The following GUCY1B1 variants were observed in gnomAD, a reference collection of about 807,000 sequenced individuals.
The protein encoded by GUCY1B1 is guanylate cyclase soluble subunit beta-1.
A neutral mutation model predicts 71.0 loss-of-function variants in GUCY1B1; 43 were observed. The ratio of observed to expected loss-of-function variants is 0.61; its 90% CI spans 0.47 to 0.78. GUCY1B1 has a LOEUF of 0.78. GUCY1B1 is among the 30% of genes least tolerant of loss of function. GUCY1B1 has a pLI of 0.00. For missense variants in GUCY1B1, 535 were observed against 754.1 expected, an observed-to-expected ratio of 0.71 and a Z score of 3.40; for synonymous variants, 266 against 259.7, an observed-to-expected ratio of 1.02 and a Z score of -0.23.
chr4:155,794,910 A>C (rs140129785), intron 6 of GUCY1B1, among the ~76,000 whole-genome samples: 6 of 152,318 alleles, frequency 3.9e-5, no homozygotes, highest in African/African-American at 1.4e-4. Flanking sequence ...GCAATCAATC[A>C]GTGTTACCTA....
chr4:155,779,685 G>A (rs113004499), intron 4 of GUCY1B1, among the ~76,000 whole-genome samples: 1,614 of 152,226 alleles, frequency 0.011, 26 homozygotes, highest in African/African-American at 0.037. Flanking sequence ...CTAAAAAGTA[G>A]ATATTTATGT....
intron 2 of GUCY1B1, among the ~76,000 whole-genome samples, chr4:155,760,266 T>C (rs1736902651): frequency 6.6e-6 from 1 of 152,192 alleles, no homozygotes; most frequent in South Asian, 2.1e-4. Context: ...AGACTTTGGC[T>C]CCTTTATGAT....
At chr4:155,759,507 C>G (rs1736805346) in intron 1 of GUCY1B1, 3 of 508,130 alleles carry the variant, frequency 5.9e-6, no homozygotes, top group African/African-American at 2.0e-5. Flanking sequence ...CCCCGCGCTG[C>G]CCCCGATGCC....
At chr4:155,765,847 C>T (rs1333443700) in intron 2 of GUCY1B1, among the ~76,000 whole-genome samples, 1 of 152,114 alleles carries the variant, frequency 6.6e-6, no homozygotes, top group East Asian at 1.9e-4. Context: ...CTTTTCTTCA[C>T]CCTCCCAACC....
At chr4:155,799,262 A>T (rs1042879440) in intron 8 of GUCY1B1, among the ~76,000 whole-genome samples, 9 of 152,206 alleles carry the variant, frequency 5.9e-5, no homozygotes, top group African/African-American at 2.2e-4. Flanking sequence ...ATTCAGCAGG[A>T]TTGAATAATG....
In GUCY1B1 at chr4:155,794,103, C is replaced by G. The variant is rs754037564; in HGVS notation, c.726+17C>G. On this transcript the variant is annotated intron_variant, in intron 6 of 13. Transcript: ENST00000264424. ...CTCCCCCAGGTAAAATGACAGCATA[C>G]TTCCTTGGGGCCTGAGACAAAAGCC... The G allele has an allele frequency of 1.5e-6, 2 of 1,362,856 alleles. No homozygotes were observed. Among genetic ancestry groups the G allele is most frequent in the Non-Finnish European group, 2.1e-6 (2 of 953,768 alleles). The allele number at this position is 1,362,856 out of a possible 1,614,324, so 84.4% of individuals were successfully genotyped here. A position where few individuals can be genotyped will look rare whatever the true frequency, so the allele number is the denominator to read the frequency against.
At chr4:155,779,014 G>A (rs553879181) in intron 4 of GUCY1B1, among the ~76,000 whole-genome samples, 44 of 150,732 alleles carry the variant, frequency 2.9e-4, no homozygotes, top group African/African-American at 1.1e-3. Flanking sequence ...CATCTGCTAA[G>A]CTTGTTATGG....
intron 2 of GUCY1B1, among the ~76,000 whole-genome samples, chr4:155,768,363 G>T (rs545421019): frequency 6.6e-6 from 1 of 151,338 alleles, no homozygotes; most frequent in Non-Finnish European, 1.5e-5. Flanking sequence ...TGGACAAATT[G>T]TATACCTAGT....
Position 155,802,650 on chromosome 4 carries a change from A to G in GUCY1B1, c.1413+71A>G. ...GTTCTGAGACTCCCCTCCAGAGGCC[A>G]TGTCATCACAGCTCTCTGACTCCAG... is the stretch of plus-strand genomic sequence containing the variant. On this transcript the variant is annotated intron_variant, in intron 10 of 13. Transcript: ENST00000264424. This position sits in a 1 kb window ranked among gnomAD's most constrained non-coding sequence, Gnocchi z 4.3. 7.5e-7 allele frequency: 1 copy of G among 1,336,428 alleles called. No homozygotes were observed. The highest frequency in any genetic ancestry group is 1.0e-6 in the Non-Finnish European group (1 of 984,654). 82.8% of individuals were successfully genotyped at this position (1,336,428 alleles called of 1,614,324 possible).
intron 4 of GUCY1B1, among the ~76,000 whole-genome samples, chr4:155,784,555 G>T (rs1460019873): frequency 6.6e-6 from 1 of 152,042 alleles, no homozygotes; most frequent in Non-Finnish European, 1.5e-5. Flanking sequence ...TAGAAAGAAA[G>T]GAAATACTAT....
intron 3 of GUCY1B1, among the ~76,000 whole-genome samples, chr4:155,775,380 C>T (rs921870377): frequency 6.6e-6 from 1 of 152,180 alleles, no homozygotes; most frequent in East Asian, 1.9e-4. Context: ...GCATCCTCTG[C>T]CTGCCAGGCT....
intron 1 of GUCY1B1, 182 bp downstream of exon 1, chr4:155,759,325 G>A: frequency 1.7e-6 from 1 of 604,870 alleles, no homozygotes; most frequent in Non-Finnish European, 2.8e-6. Flanking sequence ...CGCGAGTCGT[G>A]GCGGGGGCGA....
intron 5 of GUCY1B1, 31 bp from the exon 6 acceptor site, chr4:155,793,825 A>T (rs1487610203): frequency 2.9e-5 from 27 of 942,108 alleles, no homozygotes; most frequent in African/African-American, 4.9e-5. Context: ...AAATGAAGAC[A>T]ATTCATGCCA....
At chr4:155,759,394 G>A in intron 1 of GUCY1B1, 2 of 545,632 alleles carry the variant, frequency 3.7e-6, no homozygotes, top group East Asian at 3.3e-5. Context: ...CCTGAGCTCG[G>A]GAAGGGGAGG....
intron 4 of GUCY1B1, among the ~76,000 whole-genome samples, 167 bp downstream of exon 4, chr4:155,777,809 C>G (rs527630032): frequency 2.0e-5 from 3 of 152,064 alleles, no homozygotes; most frequent in African/African-American, 7.2e-5. Context: ...TGGAGCGTCT[C>G]GAATACATTT....
At chr4:155,762,073 G>A (rs1368699426) in intron 2 of GUCY1B1, among the ~76,000 whole-genome samples, 2 of 152,168 alleles carry the variant, frequency 1.3e-5, no homozygotes, top group African/African-American at 4.8e-5. Flanking sequence ...CATTAAAGCT[G>A]CTCCTTGGTT....
At chr4:155,778,023 T>C (rs1738176593) in intron 4 of GUCY1B1, among the ~76,000 whole-genome samples, 1 of 152,168 alleles carries the variant, frequency 6.6e-6, no homozygotes, top group Non-Finnish European at 1.5e-5. Flanking sequence ...AAAACATTCC[T>C]AGTTTGTAGA....
At chr4:155,761,787 G>T (rs1737014003) in intron 2 of GUCY1B1, among the ~76,000 whole-genome samples, 1 of 152,122 alleles carries the variant, frequency 6.6e-6, no homozygotes, top group Non-Finnish European at 1.5e-5. Context: ...GCTTCCAACA[G>T]TATTCATAAT....
At position 155,777,343 on chromosome 4, in the gene GUCY1B1, C is replaced by T. The variant is rs1993658; in HGVS notation, c.179-181C>T. Among the ~76,000 whole-genome samples, 1,083 of 152,236 alleles carry T rather than the reference C, an allele frequency of 7.1e-3. 12 individuals carry two copies. The highest frequency in any genetic ancestry group is 0.025 in the African/African-American group (1,028 of 41,548). On this transcript the variant is annotated intron_variant, in intron 3 of 13. Transcript: ENST00000264424. ...AATGTACACCATTAACATGTTTATA[C>T]GTTGTCTTCTCTGATTTCATTGTAT...
Sources: allele counts gnomAD v4.1 joint callset (sites outside exome capture counted in the v4.1 genomes callset), GRCh38; gene constraint gnomAD v4.1.1; non-coding constraint Gnocchi (gnomAD v3.1); transcripts MANE v1.5; gene names NCBI Gene and HGNC (gene_info 2026-07-23, HGNC 2026-07-21).